Variants in SUCO observed in about 807,000 individuals in gnomAD.
SUCO encodes SUN domain containing ossification factor.
SUCO carries 57 observed loss-of-function variants against 148.1 expected under a neutral mutation model. The ratio of observed to expected loss-of-function variants is 0.38; its 90% CI spans 0.31 to 0.48. The LOEUF is 0.48. SUCO is among the 20% of genes least tolerant of loss of function. The pLI, the probability that SUCO is intolerant of heterozygous loss-of-function variation, is 0.96. For synonymous variants in SUCO, 470 were observed against 502.7 expected (o/e 0.93, Z 0.87); for missense variants, 1,331 against 1,468.2 (o/e 0.91, Z 1.53).
chr1:172,536,244 A>T (rs1162637075), intron 1 of SUCO, among the ~76,000 whole-genome samples: 1 of 150,838 alleles, frequency 6.6e-6, no homozygotes, highest in East Asian at 1.9e-4. Flanking sequence ...TAGGCAGCAC[A>T]GGCTCCTGAG....
At chr1:172,532,914 T>G, upstream of SUCO, 3 of 1,392,322 alleles carry the variant, frequency 2.2e-6, 1 homozygote, top group South Asian at 4.4e-5. Context: ...CATCTGCTCC[T>G]GCGCTTTGTG....
At chr1:172,554,125 C>G (rs1395460691) in intron 3 of SUCO, among the ~76,000 whole-genome samples, 1 of 151,796 alleles carries the variant, frequency 6.6e-6, no homozygotes, top group African/African-American at 2.4e-5. Context: ...GTACTTTTTG[C>G]AAGAGCCAGG....
chr1:172,545,343 C>CA (rs1177141050), intron 1 of SUCO, among the ~76,000 whole-genome samples: 2 of 152,118 alleles, frequency 1.3e-5, no homozygotes, highest in African/African-American at 4.8e-5. Context: ...GTTTCAGTAG[C>CA]TGTCAACTAA....
At chr1:172,594,054 T>C (rs1656886465) in intron 19 of SUCO, among the ~76,000 whole-genome samples, 1 of 152,218 alleles carries the variant, frequency 6.6e-6, no homozygotes, top group African/African-American at 2.4e-5. Context: ...TTTTCTAGTT[T>C]ATTTGCGTAG....
chr1:172,608,616 C>G, intron 22 of SUCO, 131 bp from the exon 23 acceptor site: 1 of 737,680 alleles, frequency 1.4e-6, no homozygotes, highest in South Asian at 1.6e-5. Flanking sequence ...TAACCTGATA[C>G]AAATTCATTG....
chr1:172,569,355 A>T, intron 7 of SUCO: 1 of 963,376 alleles, frequency 1.0e-6, no homozygotes. Context: ...CCATTCTTGT[A>T]AATTATTAAG....
chr1:172,549,859 CCATA>C (rs1312361669), intron 1 of SUCO, among the ~76,000 whole-genome samples: 1 of 148,646 alleles, frequency 6.7e-6, no homozygotes, highest in Non-Finnish European at 1.5e-5. Context: ...AAACTTGTCA[CCATA>C]CATTCAAGTT....
intron 19 of SUCO, among the ~76,000 whole-genome samples, chr1:172,597,337 G>A (rs1657185698): frequency 6.6e-6 from 1 of 152,210 alleles, no homozygotes; most frequent in African/African-American, 2.4e-5. Context: ...AGTTGGTAAT[G>A]CAGAAATCAC....
At chr1:172,532,798 G>C (rs1282848914), upstream of SUCO, 1 of 1,608,052 alleles carries the variant, frequency 6.2e-7, no homozygotes, top group Admixed American at 1.7e-5. Flanking sequence ...AGGGACGAAG[G>C]GCGGTCCACT....
At position 172,555,926 on chromosome 1, in the gene SUCO, T is replaced by G. The variant is rs1653720709; in HGVS notation, c.346T>G (p.Leu116Val). The change falls in exon 4 of 24, where the codon TTG (leucine) becomes GTG (valine). Residue 116 changes from leucine (L) to valine (V), a missense_variant. By Grantham distance (32) the Leu-to-Val change is conservative (BLOSUM62 1). Coordinates refer to ENST00000263688, the MANE Select transcript of SUCO (RefSeq NM_014283.5). The part of the protein sequence containing the change: ...PVVETLPTVD[L>V]HEESSNAVVD... The stretch of plus-strand genomic sequence containing the variant: ...GGTGGAGACACTCCCTACAGTTGAT[T>G]TGCATGAAGAGTCTTCCAATGCAGT... 2 of 1,613,130 alleles carry G rather than the reference T, an allele frequency of 1.2e-6. No individual in the cohort carries two copies. Among genetic ancestry groups the G allele is most frequent in the East Asian group, 4.5e-5 (2 of 44,852 alleles).
At chr1:172,555,018 A>G (rs529113679) in intron 3 of SUCO, among the ~76,000 whole-genome samples, 2 of 152,162 alleles carry the variant, frequency 1.3e-5, no homozygotes, top group East Asian at 3.9e-4. Flanking sequence ...CTAATTCATC[A>G]TAGTCCTTAG....
Position 172,570,140 on chromosome 1 carries a change from C to G in SUCO, c.950C>G (p.Ala317Gly). The G allele has an allele frequency of 6.3e-7, 1 of 1,584,762 alleles. No individual in the cohort carries two copies. Among genetic ancestry groups the G allele is most frequent in the Non-Finnish European group, 8.6e-7 (1 of 1,164,082 alleles). ...RNNYASVECG[A>G]KILAANPEAK... ...AATTATGCCTCAGTAGAATGTGGTG[C>G]CAAAATTCTAGCAGCTAATCCAGAA... The change falls in exon 8 of 24, where the codon GCC becomes GGC. Residue 317 changes from alanine to glycine, a missense_variant. Transcript: ENST00000263688.
chr1:172,548,673 G>A (rs1307086292), intron 1 of SUCO, among the ~76,000 whole-genome samples: 1 of 151,904 alleles, frequency 6.6e-6, no homozygotes, highest in African/African-American at 2.4e-5. Flanking sequence ...GATATTGTTA[G>A]CTGTCTTTCT....
At chr1:172,570,596 A>G in intron 8 of SUCO, 67 bp from the exon 9 acceptor site, 1 of 1,103,440 alleles carries the variant, frequency 9.1e-7, no homozygotes, top group Non-Finnish European at 1.3e-6. Flanking sequence ...GAAAACTTTA[A>G]AGTTAAAATA....
chr1:172,608,619 A>T, intron 22 of SUCO, 128 bp from the exon 23 acceptor site: 1 of 746,424 alleles, frequency 1.3e-6, no homozygotes, highest in Admixed American at 2.5e-5. Context: ...CCTGATACAA[A>T]TTCATTGGTT....
chr1:172,571,468 G>T (rs572941864), intron 9 of SUCO, among the ~76,000 whole-genome samples: 1 of 151,966 alleles, frequency 6.6e-6, no homozygotes, highest in East Asian at 2.0e-4. Context: ...TGCAGCCTGT[G>T]CCCGGCCGCC....
Position 172,577,068 on chromosome 1 carries a change from A to C in SUCO, c.1264-471A>C, listed in dbSNP as rs191374757. 4.1e-5 allele frequency: 30 copies of C among 723,448 alleles called. No homozygotes were observed. In the East Asian group the frequency reaches 3.7e-3, roughly 88 times the overall value. 44.8% of individuals were successfully genotyped at this position (723,448 alleles called of 1,614,324 possible). Reference sequence around the variant, plus strand: ...AAGTTGTATATAATATACAAGTATAAATATCATTCCATAATGGACTGTTAC... The same window carrying C: ...AAGTTGTATATAATATACAAGTATACATATCATTCCATAATGGACTGTTAC... On this transcript the variant is annotated intron_variant, in intron 11 of 23. Transcript: ENST00000263688.
chr1:172,577,415 T>C (rs139100208), intron 11 of SUCO, 124 bp from the exon 12 acceptor site: 26 of 902,130 alleles, frequency 2.9e-5, no homozygotes, highest in Non-Finnish European at 2.6e-5. Context: ...TACAGTGTTA[T>C]CCATCACATG....
At chr1:172,562,361 G>C (rs1250243157) in intron 6 of SUCO, among the ~76,000 whole-genome samples, 2 of 147,244 alleles carry the variant, frequency 1.4e-5, no homozygotes, top group South Asian at 2.1e-4. Context: ...TTGAGATGGA[G>C]TCTTGCTCTG....
Sources: gnomAD v4.1 joint callset for allele counts (sites outside exome capture counted in the v4.1 genomes callset) on GRCh38, gnomAD v4.1.1 for gene constraint, MANE v1.5 for transcripts, NCBI Gene and HGNC (gene_info 2026-07-23, HGNC 2026-07-21) for gene names.